The following RAD54L2 variants were observed in gnomAD, a reference collection of about 807,000 sequenced individuals.
RAD54L2 encodes RAD54 like 2, also known as helicase ARIP4.
RAD54L2 carries 27 observed loss-of-function variants against 138.4 expected under a neutral mutation model. That is an observed-to-expected ratio of 0.20 (90% CI 0.14 to 0.27). The LOEUF is 0.27. RAD54L2 is among the 10% of genes least tolerant of loss of function. The pLI is 1.00. For missense variants in RAD54L2, 1,396 were observed against 1,890.2 expected (o/e 0.74, Z 4.85); for synonymous variants, 644 against 723.2 (o/e 0.89, Z 1.76).
intron 15 of RAD54L2, among the ~76,000 whole-genome samples, chr3:51,642,800 C>T (rs1253937614): frequency 1.3e-5 from 2 of 152,110 alleles, no homozygotes; most frequent in East Asian, 1.9e-4. Flanking sequence ...CAAGGTGTGG[C>T]TCAGAGCTTG....
In RAD54L2 at chr3:51,665,914, A is replaced by G. The variant is rs2106868961; in HGVS notation, c.*2494A>G. ...GAATCCGGAAACCTTCCCAGCCGGG[A>G]ACTGAAACCATTCCCTGGAGGGATG... is the stretch of plus-strand genomic sequence containing the variant. On this transcript the variant is annotated 3_prime_UTR_variant, in exon 23 of 23. Coordinates refer to ENST00000684192, the MANE Select transcript of RAD54L2 (RefSeq NM_015106.4). 1.3e-5 allele frequency: 2 copies of G among 152,338 alleles called. No individual in the cohort carries two copies. The highest frequency in any genetic ancestry group is 3.9e-4 in the East Asian group (2 of 5,186). 9.4% of individuals were successfully genotyped at this position (152,338 alleles called of 1,614,324 possible).
intron 2 of RAD54L2, among the ~76,000 whole-genome samples, chr3:51,574,173 A>G (rs1699408357): frequency 6.6e-6 from 1 of 151,958 alleles, no homozygotes; most frequent in South Asian, 2.1e-4. Flanking sequence ...AAGGACATGA[A>G]CTCATCTTTT....
intron 3 of RAD54L2, among the ~76,000 whole-genome samples, chr3:51,626,223 A>AC (rs1224327036): frequency 6.6e-6 from 1 of 151,724 alleles, no homozygotes; most frequent in Admixed American, 6.6e-5. Context: ...TTTGGGAAAG[A>AC]CCTTTTGGTT....
intron 2 of RAD54L2, among the ~76,000 whole-genome samples, chr3:51,581,011 T>C (rs1577401466): frequency 1.3e-5 from 2 of 152,322 alleles, no homozygotes; most frequent in East Asian, 3.9e-4. Context: ...GGAAAAACTA[T>C]AGAAACAACC....
intron 2 of RAD54L2, among the ~76,000 whole-genome samples, chr3:51,580,734 C>T (rs1699587314): frequency 1.3e-5 from 2 of 152,172 alleles, no homozygotes; most frequent in African/African-American, 4.8e-5. Flanking sequence ...CAAAGCACCA[C>T]AAAGGGCCTG....
rs543607916 is a variant in RAD54L2 at position 51,635,489 on chromosome 3, C to T, written c.1143-104C>T. The T allele has an allele frequency of 2.4e-6, 3 of 1,268,852 alleles. No individual in the cohort carries two copies. The East Asian group carries it at 7.8e-5, about 33-fold the overall frequency. The allele number at this position is 1,268,852 out of a possible 1,614,324, so 78.6% of individuals were successfully genotyped here. On this transcript the variant is annotated intron_variant, in intron 9 of 22. Transcript: ENST00000684192. ...GTAATAAGAAGTTCTGAATGTACAT[C>T]AACACAGCTTTGATTGTGAGCAATT...
At chr3:51,580,454 C>G (rs890641101) in intron 2 of RAD54L2, among the ~76,000 whole-genome samples, 1 of 152,144 alleles carries the variant, frequency 6.6e-6, no homozygotes, top group Non-Finnish European at 1.5e-5. Context: ...CCCCACAACC[C>G]TACTTCTTAG....
chr3:51,600,887 A>G (rs1700065931), intron 3 of RAD54L2, among the ~76,000 whole-genome samples: 1 of 152,034 alleles, frequency 6.6e-6, no homozygotes. Flanking sequence ...GAATCGCTTG[A>G]ACCCAGGAGG....
intron 21 of RAD54L2, among the ~76,000 whole-genome samples, chr3:51,659,268 G>C (rs893521722): frequency 6.6e-5 from 10 of 151,814 alleles, no homozygotes; most frequent in Admixed American, 1.3e-4. Context: ...ACCACGCCCG[G>C]CTAATTTTTT....
Position 51,662,392 on chromosome 3 carries a change from C to T in RAD54L2, c.3410-34C>T. The T allele has an allele frequency of 6.7e-7, 1 of 1,483,558 alleles. No individual in the cohort carries two copies. The highest frequency in any genetic ancestry group is 2.4e-5 in the Admixed American group (1 of 41,418). 91.9% of individuals were successfully genotyped at this position (1,483,558 alleles called of 1,614,324 possible). A position where few individuals can be genotyped will look rare whatever the true frequency, so the allele number is the denominator to read the frequency against. On this transcript the variant is annotated intron_variant, in intron 22 of 22. Transcript: ENST00000684192. This position sits in a 1 kb window ranked among gnomAD's most constrained non-coding sequence, Gnocchi z 4.6. ...TCTACCCTTCTTCTCTCCCTGGCCA[C>T]TCTGATTCTCAGTTAACTACATTTT... is the stretch of plus-strand genomic sequence containing the variant.
chr3:51,544,839 G>A (rs1213656700), intron 2 of RAD54L2, among the ~76,000 whole-genome samples: 1 of 152,130 alleles, frequency 6.6e-6, no homozygotes, highest in African/African-American at 2.4e-5. Context: ...GACCTCAAGT[G>A]ATCTGCCCAT....
Position 51,645,750 on chromosome 3 carries a change from A to G in RAD54L2, c.2816A>G (p.His939Arg). 6.2e-7 allele frequency: 1 copy of G among 1,609,924 alleles called. No individual in the cohort carries two copies. Among genetic ancestry groups the G allele is most frequent in the Non-Finnish European group, 8.5e-7 (1 of 1,178,498 alleles). ...VLQLACLKYP[H>R]LITKEPFEHE... ...CAACTGGCCTGTCTGAAGTACCCTCACCTCATCACCAAGGTAAGAACTTGG... is the reference window on the plus strand; with the variant it reads ...CAACTGGCCTGTCTGAAGTACCCTCGCCTCATCACCAAGGTAAGAACTTGG... Residue 939 changes from histidine (H) to arginine (R), a missense_variant, in exon 18 of 23, where the codon CAC becomes CGC. His to Arg is a conservative substitution (Grantham distance 29, BLOSUM62 0). Transcript: ENST00000684192. The surrounding 1 kb of genome is among the most constrained non-coding windows in gnomAD (Gnocchi z 6.1).
intron 3 of RAD54L2, among the ~76,000 whole-genome samples, chr3:51,598,177 G>GTATATGTA (rs1553682173): frequency 7.4e-6 from 1 of 135,258 alleles, no homozygotes; most frequent in African/African-American, 2.7e-5. Flanking sequence ...GTGTGTGTGT[G>GTATATGTA]TATATATATA....
rs2106813519 is a variant in RAD54L2 at position 51,638,961 on chromosome 3, C to T, written c.1861-458C>T. The T allele has an allele frequency of 5.9e-6, 1 of 169,978 alleles. No homozygotes were observed. The allele number at this position is 169,978 out of a possible 1,614,324, so 10.5% of individuals were successfully genotyped here. On this transcript the variant is annotated intron_variant, in intron 12 of 22. Coordinates refer to ENST00000684192, the MANE Select transcript of RAD54L2 (RefSeq NM_015106.4). The surrounding 1 kb of genome is among the most constrained non-coding windows in gnomAD (Gnocchi z 4.3). ...ATGCTTTGGTATCACTGCATCCTTC[C>T]TTCTTCCTTTCCTCTCTTCTCCTGG...
chr3:51,563,341 C>A (rs539697486), intron 2 of RAD54L2, among the ~76,000 whole-genome samples: 167 of 152,350 alleles, frequency 1.1e-3, no homozygotes, highest in African/African-American at 4.0e-3. Flanking sequence ...GTAGAACCAT[C>A]TTCTTCCTCC....
chr3:51,572,953 T>A (rs940403448), intron 2 of RAD54L2, among the ~76,000 whole-genome samples: 1 of 151,974 alleles, frequency 6.6e-6, no homozygotes, highest in Non-Finnish European at 1.5e-5. Flanking sequence ...TGCTATAAAT[T>A]TTAAGCACTC....
At chr3:51,629,571 C>A (rs1700785459) in intron 5 of RAD54L2, 98 bp downstream of exon 5, 3 of 1,459,592 alleles carry the variant, frequency 2.1e-6, no homozygotes, top group African/African-American at 1.4e-5. Flanking sequence ...AAGACTGTGG[C>A]CTCTCGGCTG....
intron 2 of RAD54L2, among the ~76,000 whole-genome samples, chr3:51,579,739 G>A (rs1165137109): frequency 1.3e-5 from 2 of 152,074 alleles, no homozygotes; most frequent in East Asian, 3.9e-4. Context: ...CTATATCACA[G>A]GCAAACAAAA....
In RAD54L2 at chr3:51,630,924, C is replaced by G; in HGVS notation, c.818C>G (p.Pro273Arg). ...LAPQLARAVK[P>R]HQIGGIRFLY... ...CCACAGTTGGCACGGGCTGTGAAAC[C>G]TCATCAGGTACAGCAAACCTTGACT... The change falls in exon 7 of 23, where the codon CCT becomes CGT. Residue 273 changes from proline to arginine, a missense_variant. This residue lies in a region of RAD54L2 where 256 missense variants were observed against 344.6 expected (regional missense o/e 0.74). Transcript: ENST00000684192. The G allele has an allele frequency of 6.2e-7, 1 of 1,609,546 alleles. No individual in the cohort carries two copies. The highest frequency in any genetic ancestry group is 8.5e-7 in the Non-Finnish European group (1 of 1,176,486).
Sources: gnomAD v4.1 joint callset for allele counts (sites outside exome capture counted in the v4.1 genomes callset) on GRCh38, gnomAD v4.1.1 for gene constraint, gnomAD v4.1.1 regional missense constraint, Gnocchi (gnomAD v3.1) non-coding constraint, MANE v1.5 for transcripts, NCBI Gene and HGNC (gene_info 2026-07-23, HGNC 2026-07-21) for gene names.